The following UBE2K variants were observed in gnomAD, a reference collection of about 807,000 sequenced individuals.
The protein encoded by UBE2K is ubiquitin conjugating enzyme E2 K.
A neutral mutation model predicts 30.0 loss-of-function variants in UBE2K; 6 were observed. The ratio of observed to expected loss-of-function variants is 0.20; its 90% CI spans 0.11 to 0.39. The LOEUF is 0.39. Among genes scored for constraint, UBE2K ranks in the 10% least tolerant of loss-of-function variants. UBE2K has a pLI of 1.00. For missense variants in UBE2K, 61 were observed against 241.6 expected, an observed-to-expected ratio of 0.25 and a Z score of 4.96; for synonymous variants, 86 against 83.7, an observed-to-expected ratio of 1.03 and a Z score of -0.15.
chr4:39,748,622 A>G (rs1024916779), intron 3 of UBE2K, among the ~76,000 whole-genome samples: 1 of 75,638 alleles, frequency 1.3e-5, no homozygotes, highest in African/African-American at 1.1e-4. Context: ...TCTAGTCCCA[A>G]AAAAAAAAAA....
At chr4:39,704,783 C>A (rs1411513819) in intron 1 of UBE2K, among the ~76,000 whole-genome samples, 1 of 151,738 alleles carries the variant, frequency 6.6e-6, no homozygotes, top group East Asian at 1.9e-4. Flanking sequence ...CTGAAGTGAT[C>A]CTCCGGCCTT....
In UBE2K at chr4:39,778,451, G is replaced by A. The variant is rs200943921; in HGVS notation, c.*17G>A. 3 of 1,565,976 alleles carry A rather than the reference G, an allele frequency of 1.9e-6. No homozygotes were observed. Among genetic ancestry groups the A allele is most frequent in the East Asian group, 2.2e-5 (1 of 44,496 alleles). ...AGTAACTGAGGCATAGAGAGCTGCT[G>A]ATATAGTCAAGCTTGCCTCTTCTTG... On this transcript the variant is annotated 3_prime_UTR_variant, in exon 7 of 7. Transcript: ENST00000261427.
intron 2 of UBE2K, among the ~76,000 whole-genome samples, chr4:39,739,744 C>A (rs557956849): frequency 1.3e-5 from 2 of 152,110 alleles, no homozygotes; most frequent in Admixed American, 6.6e-5. Flanking sequence ...CGCACCGCAC[C>A]CAGCCCATTT....
intron 4 of UBE2K, among the ~76,000 whole-genome samples, chr4:39,773,475 TAAAAGAAA>T (rs1713059914): frequency 6.7e-6 from 1 of 149,750 alleles, no homozygotes; most frequent in Non-Finnish European, 1.5e-5. Context: ...CTCAAGAAAA[TAAAAGAAA>T]AGAAAAAAGA....
rs993096736 is a variant in UBE2K at position 39,780,485 on chromosome 4, A to T, written c.*2051A>T. ...AAGGTCAAGCATTTTACATATATAC[A>T]TACATACATGCTCTTGGAGGCAGCT... On this transcript the variant is annotated 3_prime_UTR_variant, in exon 7 of 7. Transcript: ENST00000261427. The T allele has an allele frequency of 6.6e-6, 1 of 152,126 alleles. No homozygotes were observed. Among genetic ancestry groups the T allele is most frequent in the African/African-American group, 2.4e-5 (1 of 41,446 alleles). The allele number at this position is 152,126 out of a possible 1,614,324, so 9.4% of individuals were successfully genotyped here.
At chr4:39,777,295 T>A (rs1263725769) in intron 5 of UBE2K, among the ~76,000 whole-genome samples, 1 of 152,222 alleles carries the variant, frequency 6.6e-6, no homozygotes, top group Non-Finnish European at 1.5e-5. Context: ...GGTTACATCG[T>A]AAAAAATTAT....
intron 4 of UBE2K, among the ~76,000 whole-genome samples, chr4:39,760,693 T>G (rs994015924): frequency 6.6e-6 from 1 of 151,954 alleles, no homozygotes; most frequent in Admixed American, 6.6e-5. Context: ...GTCAGGAGAT[T>G]GAGACCATCC....
At chr4:39,705,298 A>G (rs1030656526) in intron 1 of UBE2K, among the ~76,000 whole-genome samples, 6 of 150,016 alleles carry the variant, frequency 4.0e-5, no homozygotes, top group African/African-American at 1.2e-4. Flanking sequence ...CCCGGGTTCA[A>G]GCGACTCTCG....
intron 4 of UBE2K, 113 bp downstream of exon 4, chr4:39,755,852 G>C (rs1206463179): frequency 7.5e-6 from 5 of 665,744 alleles, no homozygotes; most frequent in African/African-American, 5.3e-5. Context: ...TGTTTGGGCA[G>C]TAACTTTAAA....
chr4:39,755,798 T>C, intron 4 of UBE2K, 59 bp downstream of exon 4: 1 of 1,232,656 alleles, frequency 8.1e-7, no homozygotes, highest in Non-Finnish European at 1.2e-6. Context: ...ACTGTAAGAG[T>C]GTTAAATGTG....
chr4:39,755,773 C>A, intron 4 of UBE2K, 34 bp downstream of exon 4: 1 of 1,432,788 alleles, frequency 7.0e-7, no homozygotes, highest in Non-Finnish European at 9.7e-7. Flanking sequence ...CTCTCCTTCT[C>A]ATATGAATAC....
Position 39,723,362 on chromosome 4 carries a change from C to CTT in UBE2K, c.64-14039_64-14038dup, listed in dbSNP as rs529806724. Among the ~76,000 whole-genome samples, 940 of 108,274 alleles carry CTT rather than the reference C, an allele frequency of 8.7e-3. 20 individuals carry two copies. The highest frequency in any genetic ancestry group is 0.024 in the African/African-American group (633 of 26,698). 71.0% of individuals were successfully genotyped at this position (108,274 alleles called of 152,430 possible). A position where few individuals can be genotyped will look rare whatever the true frequency, so the allele number is the denominator to read the frequency against. Reference sequence around the variant, plus strand: ...ATTGTACCCAGCCCTGCTGTCTTCTCTTTTTTTTTTTTTTTTTTTTCCTTC... The same window carrying CTT: ...ATTGTACCCAGCCCTGCTGTCTTCTCTTTTTTTTTTTTTTTTTTTTTTCCTTC... On this transcript the variant is annotated intron_variant, in intron 1 of 6. Transcript: ENST00000261427.
chr4:39,714,548 A>ATTTTTTTTT lies in UBE2K; in HGVS notation c.63+16159_63+16160insTTTTTTTTT, dbSNP rs1168820129. ...TATATATATATATATATATATATAT[A>ATTTTTTTTT]TATTTTTTTTTTTTTTTAAGACTGA... On this transcript the variant is annotated intron_variant, in intron 1 of 6. Transcript: ENST00000261427. 5.3e-3 allele frequency: 131 copies of ATTTTTTTTT among 24,664 alleles called. 2 individuals are homozygous for ATTTTTTTTT. Among genetic ancestry groups the ATTTTTTTTT allele is most frequent in the East Asian group, 7.5e-3 (3 of 402 alleles). 1.5% of individuals were successfully genotyped at this position (24,664 alleles called of 1,614,324 possible).
chr4:39,760,672 C>T (rs1049358102), intron 4 of UBE2K, among the ~76,000 whole-genome samples: 9 of 151,950 alleles, frequency 5.9e-5, no homozygotes, highest in South Asian at 2.1e-4. Flanking sequence ...CCGAGGCGGG[C>T]GGATCATGAG....
intron 1 of UBE2K, among the ~76,000 whole-genome samples, chr4:39,720,633 A>G (rs1719368078): frequency 2.0e-5 from 3 of 152,190 alleles, no homozygotes; most frequent in African/African-American, 7.2e-5. Context: ...GGTAACTGAT[A>G]CTTACAGGAT....
At chr4:39,706,574 C>T (rs532217724) in intron 1 of UBE2K, among the ~76,000 whole-genome samples, 4 of 150,470 alleles carry the variant, frequency 2.7e-5, no homozygotes, top group Admixed American at 6.6e-5. Context: ...CCAGGTCAAG[C>T]GGTTCTCCTG....
chr4:39,754,579 C>T (rs1330836466), intron 3 of UBE2K, among the ~76,000 whole-genome samples: 2 of 152,112 alleles, frequency 1.3e-5, no homozygotes, highest in South Asian at 2.1e-4. Context: ...GGCACGATCA[C>T]GGCTTGCTGC....
At chr4:39,714,533 TATATATATATATATATA>T (rs1357489469) in intron 1 of UBE2K, 1 of 33,420 alleles carries the variant, frequency 3.0e-5, no homozygotes, top group African/African-American at 2.4e-4. Context: ...TATATATATA[TATATATATATATATATA>T]TTTTTTTTTT....
At position 39,771,049 on chromosome 4, in the gene UBE2K, T is replaced by C; in HGVS notation, c.300-3785T>C. 2.5e-6 allele frequency: 4 copies of C among 1,612,390 alleles called. No individual in the cohort carries two copies. The South Asian group carries it at 3.3e-5, about 13-fold the overall frequency. On this transcript the variant is annotated intron_variant, in intron 4 of 6. Transcript: ENST00000261427. The stretch of plus-strand genomic sequence containing the variant: ...GACCCCATCCTCTTTGAGGCCTATT[T>C]TGGGCTCAGTGAACTGGCTGAGGGC...
Sources: allele counts gnomAD v4.1 joint callset (sites outside exome capture counted in the v4.1 genomes callset), GRCh38; gene constraint gnomAD v4.1.1; transcripts MANE v1.5; gene names NCBI Gene and HGNC (gene_info 2026-07-23, HGNC 2026-07-21).